DHX35: variants seen among roughly 807,000 people sequenced by gnomAD.
DHX35 encodes the protein DEAH-box helicase 35, also known as probable ATP-dependent RNA helicase DHX35.
In DHX35, 84 loss-of-function variants were observed where a neutral mutation model predicts 99.6. The observed-to-expected ratio is 0.84, with a 90% confidence interval of 0.71 to 1.01. The LOEUF is 1.01. Among genes scored for constraint, DHX35 ranks in the 50% least tolerant of loss-of-function variants. The pLI is 0.00. For synonymous variants in DHX35, 331 were observed against 316.2 expected, an observed-to-expected ratio of 1.05 and a Z score of -0.50; for missense variants, 852 against 888.5, an observed-to-expected ratio of 0.96 and a Z score of 0.52.
intron 5 of DHX35, among the ~76,000 whole-genome samples, chr20:38,990,885 G>A (rs531315325): frequency 1.3e-5 from 2 of 152,284 alleles, no homozygotes; most frequent in African/African-American, 2.4e-5. Context: ...TTACAAATGA[G>A]CAATCAGGGA....
rs551306915 is a variant in DHX35 at position 39,021,475 on chromosome 20, T to C, written c.1499-366T>C. Among the ~76,000 whole-genome samples the C allele has an allele frequency of 2.0e-5, 3 of 152,348 alleles. No homozygotes were observed. The East Asian group carries it at 5.8e-4, about 29-fold the overall frequency. ...TTCACATTTGGCTGAGTGAAATATTTTTATTTTATAAACTTCATTTTTTTG... is the reference window on the plus strand; with the variant it reads ...TTCACATTTGGCTGAGTGAAATATTCTTATTTTATAAACTTCATTTTTTTG... On this transcript the variant is annotated intron_variant, in intron 15 of 21. Coordinates refer to ENST00000252011, the MANE Select transcript of DHX35 (RefSeq NM_021931.4).
Position 38,969,047 on chromosome 20 carries a change from C to T in DHX35, c.41-34C>T, listed in dbSNP as rs1264875083. On this transcript the variant is annotated intron_variant, in intron 1 of 21. Transcript: ENST00000252011. ...TAACACCTTTTTCTGTTCATTGTAT[C>T]AGAGAATCTGAAAAAAAAACATTTC... is the stretch of plus-strand genomic sequence containing the variant. 4 of 1,567,580 alleles carry T rather than the reference C, an allele frequency of 2.6e-6. No individual in the cohort carries two copies. In the African/African-American group the frequency reaches 5.5e-5, roughly 22 times the overall value.
chr20:38,986,686 T>G (rs1464839773), intron 4 of DHX35, among the ~76,000 whole-genome samples: 1 of 152,222 alleles, frequency 6.6e-6, no homozygotes, highest in Non-Finnish European at 1.5e-5. Flanking sequence ...ATTGGAACAG[T>G]AACAATAACA....
intron 4 of DHX35, among the ~76,000 whole-genome samples, chr20:38,985,007 C>T (rs1018062577): frequency 6.6e-6 from 1 of 151,772 alleles, no homozygotes. Context: ...TGCCTTTTGG[C>T]GTTGAGGATC....
intron 20 of DHX35, among the ~76,000 whole-genome samples, chr20:39,032,420 C>T (rs958934963): frequency 2.0e-5 from 3 of 152,196 alleles, no homozygotes; most frequent in Non-Finnish European, 4.4e-5. Context: ...GATCTGCCCA[C>T]CTCAGCCTCC....
intron 6 of DHX35, 147 bp downstream of exon 6, chr20:38,991,662 G>A: frequency 4.8e-6 from 3 of 629,752 alleles, no homozygotes; most frequent in East Asian, 2.9e-5. Flanking sequence ...GACCCTTGGT[G>A]TTTTTCTCAG....
At position 39,018,860 on chromosome 20, in the gene DHX35, C is replaced by T. The variant is rs2145926549; in HGVS notation, c.1459C>T (p.Pro487Ser). 6.2e-7 allele frequency: 1 copy of T among 1,614,054 alleles called. No individual in the cohort carries two copies. The highest frequency in any genetic ancestry group is 1.1e-5 in the South Asian group (1 of 91,070). ...GCTTGGCATGAGAATTGCAGAGTTT[C>T]CTTTGAATCCCATGTTTGCCAAAAT... ...EPLGMRIAEF[P>S]LNPMFAKMLL... Residue 487 changes from proline to serine, a missense_variant, in exon 15 of 22, where the codon CCT becomes TCT. Pro to Ser is a moderately conservative substitution (Grantham distance 74). Transcript: ENST00000252011.
rs990141446 is a variant in DHX35 at position 39,030,876 on chromosome 20, C to T, written c.1955+101C>T. 23 of 1,359,848 alleles carry T rather than the reference C, an allele frequency of 1.7e-5. No individual in the cohort carries two copies. In the African/African-American group the frequency reaches 3.2e-4, roughly 19 times the overall value. The allele number at this position is 1,359,848 out of a possible 1,614,324, so 84.2% of individuals were successfully genotyped here. ...CTTGACATCGCCTCTAGAATTGCTG[C>T]TCTGGGCCGGGCGTGGTGGCTCACG... On this transcript the variant is annotated intron_variant, in intron 20 of 21. Transcript: ENST00000252011.
In DHX35 at chr20:39,014,949, C is replaced by G. The variant is rs781083771; in HGVS notation, c.1402+15C>G. ...TGCTCTGGGAGGTATGCCAGTTTCT[C>G]TCATCATTCTCTCTTATTATGTGTT... is the stretch of plus-strand genomic sequence containing the variant. On this transcript the variant is annotated intron_variant, in intron 14 of 21. Coordinates refer to ENST00000252011, the MANE Select transcript of DHX35 (RefSeq NM_021931.4). The G allele has an allele frequency of 5.9e-5, 95 of 1,613,872 alleles. No individual in the cohort carries two copies. The highest frequency in any genetic ancestry group is 6.7e-5 in the Non-Finnish European group (79 of 1,179,904).
intron 19 of DHX35, chr20:39,029,367 C>T (rs1276530281): frequency 6.6e-6 from 1 of 151,104 alleles, no homozygotes; most frequent in Non-Finnish European, 1.5e-5. Context: ...GTCCTGGGCT[C>T]CTGTTAATGA....
At chr20:38,981,342 T>C (rs1308163683) in intron 3 of DHX35, among the ~76,000 whole-genome samples, 1 of 152,250 alleles carries the variant, frequency 6.6e-6, no homozygotes, top group East Asian at 1.9e-4. Flanking sequence ...TGTAATTTTC[T>C]GTAAGGAAGA....
In DHX35 at chr20:39,028,443, C is replaced by T. The variant is rs1406154624; in HGVS notation, c.1827C>T (p.Cys609=). The T allele has an allele frequency of 3.1e-6, 5 of 1,614,210 alleles. No homozygotes were observed. The highest frequency in any genetic ancestry group is 1.1e-5 in the South Asian group (1 of 91,086). The change falls in exon 19 of 22, where the codon TGC becomes TGT. Residue 609 remains cysteine (C), a synonymous_variant. Transcript: ENST00000252011. ...GTGACCCGGATCTGGTTCTGAGGTG[C>T]ATTGTCTCCGGCTTCTTCGCCAATG... ...SEGDPDLVLR[C]IVSGFFANAA... is the part of the protein sequence containing the mutation.
chr20:38,986,008 A>C (rs1306118465), intron 4 of DHX35, among the ~76,000 whole-genome samples: 1 of 152,166 alleles, frequency 6.6e-6, no homozygotes, highest in Non-Finnish European at 1.5e-5. Flanking sequence ...TGACTTCAAG[A>C]CCAGGTAGGT....
At chr20:39,002,053 C>T (rs1220029754) in intron 9 of DHX35, among the ~76,000 whole-genome samples, 1 of 152,190 alleles carries the variant, frequency 6.6e-6, no homozygotes, top group Non-Finnish European at 1.5e-5. Flanking sequence ...TTCCGTAAGT[C>T]TGTGGCCAGT....
rs1476455750 is a variant in DHX35 at position 39,039,561 on chromosome 20, G to A, written c.*1018G>A. The A allele has an allele frequency of 1.3e-5, 2 of 152,114 alleles. No individual in the cohort carries two copies. Among genetic ancestry groups the A allele is most frequent in the African/African-American group, 4.8e-5 (2 of 41,416 alleles). 9.4% of individuals were successfully genotyped at this position (152,114 alleles called of 1,614,324 possible). On this transcript the variant is annotated 3_prime_UTR_variant, in exon 22 of 22. Coordinates refer to ENST00000252011, the MANE Select transcript of DHX35 (RefSeq NM_021931.4). The stretch of plus-strand genomic sequence containing the variant: ...ATGACCTTTATTTTAAAAACACATA[G>A]CTTGAAAATTTATTTTTATACTGAT...
chr20:39,038,596 T>C lies in DHX35; in HGVS notation c.*53T>C. The C allele has an allele frequency of 1.9e-6, 3 of 1,579,716 alleles. No homozygotes were observed. The highest frequency in any genetic ancestry group is 2.6e-6 in the Non-Finnish European group (3 of 1,164,474). On this transcript the variant is annotated 3_prime_UTR_variant, in exon 22 of 22. Transcript: ENST00000252011. ...ACTGCTGGCGTCCTCTCCTCCATGC[T>C]GCTGCCCCTGGTCCCAGGTGGGGTG...
intron 3 of DHX35, among the ~76,000 whole-genome samples, chr20:38,979,485 T>C (rs2086137999): frequency 6.6e-6 from 1 of 152,206 alleles, no homozygotes; most frequent in South Asian, 2.1e-4. Context: ...AAAGTTAATC[T>C]CCTAAGCTTT....
intron 8 of DHX35, among the ~76,000 whole-genome samples, chr20:38,997,837 G>A (rs2086455268): frequency 6.6e-6 from 1 of 152,196 alleles, no homozygotes. Context: ...GTGGCAGGGG[G>A]GTTGGGTGTG....
At chr20:39,009,134 T>C (rs1568744349) in intron 12 of DHX35, among the ~76,000 whole-genome samples, 1 of 152,202 alleles carries the variant, frequency 6.6e-6, no homozygotes, top group Non-Finnish European at 1.5e-5. Context: ...TCCTGTGAGC[T>C]TTTCAGCAGG....
Sources: gnomAD v4.1 joint callset for allele counts (sites outside exome capture counted in the v4.1 genomes callset) on GRCh38, gnomAD v4.1.1 for gene constraint, MANE v1.5 for transcripts, NCBI Gene and HGNC (gene_info 2026-07-23, HGNC 2026-07-21) for gene names.